Variants in TLE1 observed in about 807,000 individuals in gnomAD.
TLE1 encodes transducin-like enhancer protein 1.
TLE1 carries 21 observed loss-of-function variants against 89.8 expected under a neutral mutation model. The observed-to-expected ratio is 0.23, with a 90% CI of 0.17 to 0.34. TLE1 has a LOEUF of 0.34. TLE1 is among the 10% of genes least tolerant of loss of function. TLE1 has a pLI of 1.00. For synonymous variants in TLE1, 447 were observed against 407.6 expected, an observed-to-expected ratio of 1.10 and a Z score of -1.16; for missense variants, 795 against 1,031.2, an observed-to-expected ratio of 0.77 and a Z score of 3.14.
intron 4 of TLE1, among the ~76,000 whole-genome samples, chr9:81,656,576 T>G (rs1429715267): frequency 4.6e-5 from 7 of 152,210 alleles, no homozygotes; most frequent in Non-Finnish European, 1.0e-4. Context: ...GATTTTAGGA[T>G]ACCATCATTC....
At chr9:81,653,858 G>A in intron 5 of TLE1, 116 bp downstream of exon 5, 1 of 908,660 alleles carries the variant, frequency 1.1e-6, no homozygotes, top group Non-Finnish European at 1.7e-6. Context: ...CACTTCAGCT[G>A]TAACAGATGT....
Position 81,616,094 on chromosome 9 carries a change from C to T in TLE1, c.806G>A (p.Arg269Gln), listed in dbSNP as rs529689623. The T allele has an allele frequency of 2.4e-5, 38 of 1,614,034 alleles. No individual in the cohort carries two copies. In the South Asian group the frequency reaches 4.0e-4, roughly 17 times the overall value. The change falls in exon 11 of 20, where the codon CGG (arginine) becomes CAG (glutamine). Residue 269 changes from arginine to glutamine, a missense_variant. Coordinates refer to ENST00000376499, the MANE Select transcript of TLE1 (RefSeq NM_005077.5). ...GCGATTTTTGTCGATTCCATTTTCC[C>T]GGGGCGAGTGGGCAGGGCTTGCTCG... ...SPRASPAHSP[R>Q]ENGIDKNRLL...
At chr9:81,626,527 T>C (rs11139346) in intron 8 of TLE1, among the ~76,000 whole-genome samples, 30,839 of 152,124 alleles carry the variant, frequency 0.2, 3,999 homozygotes, top group East Asian at 0.58. Flanking sequence ...ATGGACAAAG[T>C]TGAAAATCTG....
At chr9:81,633,222 G>A in intron 8 of TLE1, 126 bp downstream of exon 8, 1 of 1,464,530 alleles carries the variant, frequency 6.8e-7, no homozygotes, top group Non-Finnish European at 9.1e-7. Flanking sequence ...CCAGGTCACT[G>A]AGAGAGACAG....
At chr9:81,687,584 A>T (rs72749007) in intron 1 of TLE1, 150 bp from the exon 2 acceptor site, 42,306 of 602,484 alleles carry the variant, frequency 0.07, 1,862 homozygotes, top group African/African-American at 0.1. Flanking sequence ...GCCCTTCACT[A>T]TGGGGAGGGG....
At chr9:81,613,328 C>T in intron 12 of TLE1, 49 bp downstream of exon 12, 1 of 1,595,138 alleles carries the variant, frequency 6.3e-7, no homozygotes, top group South Asian at 1.1e-5. Flanking sequence ...ACAAATCAAG[C>T]TGGGAATGGG....
intron 4 of TLE1, among the ~76,000 whole-genome samples, chr9:81,674,691 G>C (rs1382633396): frequency 6.6e-6 from 1 of 152,206 alleles, no homozygotes; most frequent in Non-Finnish European, 1.5e-5. Flanking sequence ...GGAGGACTTT[G>C]TAAGGGGAGT....
At chr9:81,612,052 A>C in intron 12 of TLE1, 93 bp from the exon 13 acceptor site, 2 of 1,013,944 alleles carry the variant, frequency 2.0e-6, no homozygotes, top group Non-Finnish European at 2.7e-6. Context: ...AGTGTCACTC[A>C]TGGGGAGAGA....
rs146472651 is a variant in TLE1 at position 81,617,482 on chromosome 9, G to A, written c.712-783C>T. On this transcript the variant is annotated intron_variant, in intron 9 of 19. Transcript: ENST00000376499. ...GGAGGCCGAGGCGGGCAGGTGGATC[G>A]CTTGAGGCCAGGAGTTCAAGACCAG... is the stretch of plus-strand genomic sequence containing the variant. Among the ~76,000 whole-genome samples the A allele has an allele frequency of 3.9e-3, 594 of 151,790 alleles. 4 individuals carry two copies. Among genetic ancestry groups the A allele is most frequent in the African/African-American group, 0.013 (531 of 41,386 alleles).
intron 6 of TLE1, among the ~76,000 whole-genome samples, chr9:81,637,205 C>T (rs1216558717): frequency 6.6e-6 from 1 of 151,502 alleles, no homozygotes; most frequent in African/African-American, 2.4e-5. Flanking sequence ...TAAAAATATA[C>T]AAATTAGCCG....
chr9:81,615,081 C>CAAAAAAAAAAAAAAAAAAA (rs34947337), intron 11 of TLE1, among the ~76,000 whole-genome samples: 1 of 25,094 alleles, frequency 4.0e-5, no homozygotes, highest in Non-Finnish European at 6.7e-5. Flanking sequence ...GACTCCATCT[C>CAAAAAAAAAAAAAAAAAAA]AAAAAAAAAA....
chr9:81,639,418 G>GT (rs1445924605), intron 6 of TLE1, among the ~76,000 whole-genome samples: 1 of 152,082 alleles, frequency 6.6e-6, no homozygotes, highest in Admixed American at 6.5e-5. Flanking sequence ...ACTGCAAGAT[G>GT]TTTTTTTCAA....
At chr9:81,585,435 C>G in intron 18 of TLE1, 70 bp downstream of exon 18, 1 of 1,565,736 alleles carries the variant, frequency 6.4e-7, no homozygotes. Flanking sequence ...TGATCTCTAC[C>G]ATATTTTTTT....
chr9:81,607,074 AAT>A (rs1831785948), intron 14 of TLE1, among the ~76,000 whole-genome samples: 1 of 137,304 alleles, frequency 7.3e-6, no homozygotes. Flanking sequence ...AAAAAAAAAA[AAT>A]GGAGAGAGAG....
intron 14 of TLE1, among the ~76,000 whole-genome samples, chr9:81,604,367 G>C (rs750891615): frequency 2.6e-5 from 4 of 152,208 alleles, no homozygotes; most frequent in Non-Finnish European, 5.9e-5. Flanking sequence ...TGGCCCACAA[G>C]AGAGGGCTGA....
At chr9:81,610,486 A>G (rs1166737610) in intron 13 of TLE1, among the ~76,000 whole-genome samples, 190 bp from the exon 14 acceptor site, 1 of 152,110 alleles carries the variant, frequency 6.6e-6, no homozygotes, top group African/African-American at 2.4e-5. Context: ...CACAAGACCC[A>G]CTTCCTTTTT....
rs545041686 is a variant in TLE1, at chr9:81,654,363, CAG to C, written c.235-329_235-328del. Reference sequence around the variant, plus strand: ...CACATATATATATGTATTTTTGAGACAGAGTCTTGCTCTGTCGCCCAGGCTGG... The same window carrying C: ...CACATATATATATGTATTTTTGAGACAGTCTTGCTCTGTCGCCCAGGCTGG... On this transcript the variant is annotated intron_variant, in intron 4 of 19. Coordinates refer to ENST00000376499, the MANE Select transcript of TLE1 (RefSeq NM_005077.5). 2.9e-3 allele frequency among the ~76,000 whole-genome samples: 438 copies of C among 152,156 alleles called. 2 individuals carry two copies. Among genetic ancestry groups the C allele is most frequent in the Admixed American group, 0.01 (154 of 15,286 alleles).
chr9:81,648,064 G>A (rs1829078111), intron 6 of TLE1, among the ~76,000 whole-genome samples: 1 of 152,170 alleles, frequency 6.6e-6, no homozygotes, highest in South Asian at 2.1e-4. Flanking sequence ...CTAAGTTTGG[G>A]AGTTCAAGAC....
intron 8 of TLE1, among the ~76,000 whole-genome samples, chr9:81,622,122 T>A (rs1339687293): frequency 1.3e-5 from 2 of 152,148 alleles, no homozygotes; most frequent in Non-Finnish European, 2.9e-5. Context: ...TCTTGCAAAG[T>A]GCTAACACGC....
Sources: gnomAD v4.1 joint callset for allele counts (sites outside exome capture counted in the v4.1 genomes callset) on GRCh38, gnomAD v4.1.1 for gene constraint, MANE v1.5 for transcripts, NCBI Gene and HGNC (gene_info 2026-07-23, HGNC 2026-07-21) for gene names.